The following PAH variants were observed in gnomAD, a reference collection of about 807,000 sequenced individuals.
PAH encodes phenylalanine-4-hydroxylase.
A neutral mutation model predicts 62.0 loss-of-function variants in PAH; 64 were observed. The observed-to-expected ratio is 1.03, with a 90% CI of 0.84 to 1.27. The LOEUF is 1.27. Ranked by LOEUF, PAH falls within the 50% of genes most tolerant of loss-of-function variation. PAH has a pLI of 0.00. For missense variants in PAH, 579 were observed against 542.8 expected (o/e 1.07, Z -0.66); for synonymous variants, 195 against 196.2 (o/e 0.99, Z 0.05).
At chr12:102,892,498 A>G (rs916008031) in intron 3 of PAH, among the ~76,000 whole-genome samples, 1 of 152,262 alleles carries the variant, frequency 6.6e-6, no homozygotes, top group Non-Finnish European at 1.5e-5. Context: ...ATGTTTATTC[A>G]CAGCTTTATT....
At chr12:102,864,761 C>T (rs1318718716) in intron 5 of PAH, among the ~76,000 whole-genome samples, 1 of 122,674 alleles carries the variant, frequency 8.2e-6, no homozygotes, top group Non-Finnish European at 1.7e-5. Flanking sequence ...TTTGGGGTCA[C>T]AAATACACTT....
intron 1 of PAH, among the ~76,000 whole-genome samples, chr12:102,948,016 C>G (rs147931897): frequency 3.8e-3 from 582 of 152,218 alleles, no homozygotes; most frequent in African/African-American, 0.013. Context: ...TTTACTCAGC[C>G]CCCCTCATCC....
intron 5 of PAH, among the ~76,000 whole-genome samples, chr12:102,863,616 T>G (rs980543086): frequency 6.6e-6 from 1 of 152,116 alleles, no homozygotes; most frequent in Non-Finnish European, 1.5e-5. Context: ...TCTAATTGAG[T>G]TGGCGTATCA....
chr12:102,900,772 A>G (rs1416033500), intron 2 of PAH, among the ~76,000 whole-genome samples: 3 of 152,222 alleles, frequency 2.0e-5, no homozygotes, highest in Non-Finnish European at 2.9e-5. Context: ...TACTTTTAAC[A>G]AATGAATTTT....
intron 3 of PAH, among the ~76,000 whole-genome samples, chr12:102,884,419 C>G (rs1876944885): frequency 6.6e-6 from 1 of 152,206 alleles, no homozygotes; most frequent in African/African-American, 2.4e-5. Context: ...TGTGCTGACT[C>G]TTTACATTGT....
chr12:102,860,833 T>G (rs1480465466), intron 5 of PAH, among the ~76,000 whole-genome samples: 2 of 152,084 alleles, frequency 1.3e-5, no homozygotes, highest in African/African-American at 4.8e-5. Flanking sequence ...AAAAATTAAT[T>G]CAAGATGGAT....
At chr12:102,873,879 G>T (rs1040635827) in intron 4 of PAH, among the ~76,000 whole-genome samples, 15 of 152,154 alleles carry the variant, frequency 9.9e-5, no homozygotes, top group African/African-American at 3.1e-4. Context: ...TTAAAGTAGG[G>T]TTATAGAATA....
chr12:102,952,619 CTT>C (rs1195535440), upstream of PAH, among the ~76,000 whole-genome samples: 2 of 152,112 alleles, frequency 1.3e-5, no homozygotes, highest in Non-Finnish European at 2.9e-5. Flanking sequence ...AAAATAAAGA[CTT>C]AGCGTTACTT....
intron 4 of PAH, among the ~76,000 whole-genome samples, chr12:102,874,868 A>G (rs998745935): frequency 2.6e-5 from 4 of 152,108 alleles, no homozygotes; most frequent in South Asian, 2.1e-4. Flanking sequence ...GGACCTGATG[A>G]GAGATATTGG....
intron 2 of PAH, among the ~76,000 whole-genome samples, chr12:102,907,643 G>C (rs1878029459): frequency 6.6e-6 from 1 of 151,632 alleles, no homozygotes; most frequent in African/African-American, 2.4e-5. Context: ...GGGGCGGACA[G>C]AGTCTCACTC....
chr12:102,935,165 T>C (rs547648138), intron 1 of PAH, among the ~76,000 whole-genome samples: 1 of 152,272 alleles, frequency 6.6e-6, no homozygotes, highest in Admixed American at 6.5e-5. Context: ...ATATGGTTTT[T>C]GTCCTTCATT....
At chr12:102,947,188 T>C (rs533049582) in intron 1 of PAH, among the ~76,000 whole-genome samples, 14 of 152,044 alleles carry the variant, frequency 9.2e-5, no homozygotes, top group South Asian at 6.2e-4. Flanking sequence ...TGTGTGTATA[T>C]GTGTGTGTGT....
At chr12:102,951,669 G>A (rs1879766172), upstream of PAH, among the ~76,000 whole-genome samples, 1 of 152,166 alleles carries the variant, frequency 6.6e-6, no homozygotes, top group Non-Finnish European at 1.5e-5. Flanking sequence ...CAAAGTGGGG[G>A]TGGGAGATTT....
chr12:102,855,515 G>T (rs1875385961), intron 5 of PAH, among the ~76,000 whole-genome samples, 183 bp from the exon 6 acceptor site: 1 of 152,156 alleles, frequency 6.6e-6, no homozygotes, highest in Non-Finnish European at 1.5e-5. Context: ...TTGTTGTTTT[G>T]ATTTCCCACA....
intron 3 of PAH, among the ~76,000 whole-genome samples, chr12:102,883,139 T>C (rs1381954395): frequency 6.6e-6 from 1 of 152,176 alleles, no homozygotes; most frequent in African/African-American, 2.4e-5. Context: ...AGTTTCATAT[T>C]CAGAGACCTG....
chr12:102,874,222 C>T (rs910688392), intron 4 of PAH, among the ~76,000 whole-genome samples: 1 of 152,140 alleles, frequency 6.6e-6, no homozygotes, highest in African/African-American at 2.4e-5. Flanking sequence ...AAAAACATGT[C>T]AGGTAAAGGG....
At chr12:102,941,037 T>C (rs1879268655) in intron 1 of PAH, among the ~76,000 whole-genome samples, 1 of 152,052 alleles carries the variant, frequency 6.6e-6, no homozygotes, top group African/African-American at 2.4e-5. Flanking sequence ...CTAAAGAAAA[T>C]AAATTCCAAC....
At chr12:102,953,324 C>T (rs1879824024), upstream of PAH, 1 of 152,170 alleles carries the variant, frequency 6.6e-6, no homozygotes, top group African/African-American at 2.4e-5. Context: ...AATTATTTGT[C>T]CAATGAAAAT....
intron 4 of PAH, among the ~76,000 whole-genome samples, chr12:102,867,994 A>G (rs543410481): frequency 4.2e-5 from 5 of 120,264 alleles, no homozygotes; most frequent in South Asian, 2.4e-4. Context: ...TGTATATTAC[A>G]TGTATATATG....
Sources: allele counts gnomAD v4.1 joint callset (sites outside exome capture counted in the v4.1 genomes callset), GRCh38; gene constraint gnomAD v4.1.1; transcripts MANE v1.5; gene names NCBI Gene and HGNC (gene_info 2026-07-23, HGNC 2026-07-21).